Variants in FHL5 observed in about 807,000 individuals in gnomAD.
FHL5 encodes four and a half LIM domains 5, also known as four and a half LIM domains protein 5.
In FHL5, 33 loss-of-function variants were observed where a neutral mutation model predicts 32.0. The ratio of observed to expected loss-of-function variants is 1.03; its 90% CI spans 0.78 to 1.38. FHL5 has a LOEUF of 1.38. FHL5 is among the 40% of genes most tolerant of loss of function. The pLI is 0.00. For missense variants in FHL5, 336 were observed against 343.9 expected (o/e 0.98, Z 0.18); for synonymous variants, 114 against 113.6 (o/e 1.00, Z -0.02).
intron 1 of FHL5, among the ~76,000 whole-genome samples, chr6:96,601,783 G>T (rs565286655): frequency 6.6e-6 from 1 of 152,176 alleles, no homozygotes; most frequent in Non-Finnish European, 1.5e-5. Context: ...ACACTTGATC[G>T]CTGTAAATGT....
At chr6:96,594,227 T>TTATATATA (rs1178680000) in intron 1 of FHL5, among the ~76,000 whole-genome samples, 27 of 66,854 alleles carry the variant, frequency 4.0e-4, no homozygotes, top group South Asian at 1.1e-3. Flanking sequence ...ATATTAGAAT[T>TTATATATA]TATATATATA....
chr6:96,572,790 C>T (rs1562051862), intron 1 of FHL5, among the ~76,000 whole-genome samples: 1 of 152,206 alleles, frequency 6.6e-6, no homozygotes, highest in African/African-American at 2.4e-5. Flanking sequence ...TACCTCCTCA[C>T]CATAAGAAGT....
rs559466641 is a variant in FHL5 at position 96,573,577 on chromosome 6, A to G, written c.-13+10222A>G. ...GAGACGGAGGCCCAGGCTGGAGTGCAGTGGCGCAATCTCGGCTCACTGCAA... is the reference window on the plus strand; with the variant it reads ...GAGACGGAGGCCCAGGCTGGAGTGCGGTGGCGCAATCTCGGCTCACTGCAA... On this transcript the variant is annotated intron_variant, in intron 1 of 5. Coordinates refer to ENST00000450218, the MANE Select transcript of FHL5 (RefSeq NM_001322466.2). 1.3e-3 allele frequency among the ~76,000 whole-genome samples: 176 copies of G among 133,976 alleles called. 1 individual carries two copies. Among genetic ancestry groups the G allele is most frequent in the African/African-American group, 5.1e-3 (174 of 34,210 alleles). 87.9% of individuals were successfully genotyped at this position (133,976 alleles called of 152,430 possible).
chr6:96,578,833 C>A (rs1050664753), intron 1 of FHL5, among the ~76,000 whole-genome samples: 20 of 151,812 alleles, frequency 1.3e-4, no homozygotes, highest in Admixed American at 5.2e-4. Context: ...CAGAGTGAGA[C>A]CCTGTCTCAA....
intron 1 of FHL5, among the ~76,000 whole-genome samples, chr6:96,565,902 C>T (rs1031635698): frequency 1.3e-5 from 2 of 151,784 alleles, no homozygotes; most frequent in African/African-American, 4.8e-5. Context: ...CTGTACATAT[C>T]CATCAGGTAC....
At chr6:96,594,111 G>T (rs1041699058) in intron 1 of FHL5, among the ~76,000 whole-genome samples, 2 of 150,334 alleles carry the variant, frequency 1.3e-5, no homozygotes, top group Non-Finnish European at 3.0e-5. Context: ...CCCCCACAGG[G>T]ACTTTATTAT....
rs1431104318 is a variant in FHL5, at chr6:96,604,924, G to A, written c.334G>A (p.Gly112Ser). Residue 112 changes from glycine to serine, a missense_variant and splice_region_variant, in exon 3 of 6, where the codon GGT becomes AGT. Gly to Ser is a moderately conservative substitution (Grantham distance 56). Coordinates refer to ENST00000450218, the MANE Select transcript of FHL5 (RefSeq NM_001322466.2). ...CCACTGCAAGAGGACCATCATGCCTGGTAGGGTCTCAAGGGGGCTCCTGTC... is the reference window on the plus strand; with the variant it reads ...CCACTGCAAGAGGACCATCATGCCTAGTAGGGTCTCAAGGGGGCTCCTGTC... ...CFHCKRTIMP[G>S]SRKMEFKGNY... The A allele has an allele frequency of 3.1e-6, 5 of 1,597,846 alleles. No individual in the cohort carries two copies. Among genetic ancestry groups the A allele is most frequent in the Non-Finnish European group, 4.3e-6 (5 of 1,170,886 alleles).
intron 1 of FHL5, among the ~76,000 whole-genome samples, chr6:96,593,180 ATTCT>A (rs1770958310): frequency 6.6e-6 from 1 of 151,922 alleles, no homozygotes; most frequent in Non-Finnish European, 1.5e-5. Flanking sequence ...TTTACATTTC[ATTCT>A]TTTTCATTGT....
At chr6:96,572,625 C>T (rs138631190) in intron 1 of FHL5, among the ~76,000 whole-genome samples, 1 of 152,154 alleles carries the variant, frequency 6.6e-6, no homozygotes, top group South Asian at 2.1e-4. Flanking sequence ...GCAGGTGGGG[C>T]ACAGTGTCAA....
intron 1 of FHL5, among the ~76,000 whole-genome samples, chr6:96,599,446 T>C (rs2983902): frequency 0.41 from 62,043 of 151,858 alleles, 13,356 homozygotes; most frequent in African/African-American, 0.56. Flanking sequence ...CTGCCCACCT[T>C]GGCCTCCCAA....
At chr6:96,595,740 T>C (rs568243207) in intron 1 of FHL5, among the ~76,000 whole-genome samples, 1 of 152,100 alleles carries the variant, frequency 6.6e-6, no homozygotes, top group South Asian at 2.1e-4. Flanking sequence ...ATTTTAATGA[T>C]AAGTTTTTAT....
At chr6:96,606,282 C>G (rs1771277785) in intron 4 of FHL5, among the ~76,000 whole-genome samples, 1 of 151,714 alleles carries the variant, frequency 6.6e-6, no homozygotes, top group Non-Finnish European at 1.5e-5. Flanking sequence ...CCAGCCACAA[C>G]AAGAATTTAA....
At chr6:96,594,719 T>G (rs1771000086) in intron 1 of FHL5, among the ~76,000 whole-genome samples, 1 of 151,962 alleles carries the variant, frequency 6.6e-6, no homozygotes, top group Non-Finnish European at 1.5e-5. Flanking sequence ...GATGTCTCAG[T>G]TTTCTAGTTT....
chr6:96,580,881 A>C (rs1052170775), intron 1 of FHL5, among the ~76,000 whole-genome samples: 2 of 152,172 alleles, frequency 1.3e-5, no homozygotes, highest in Non-Finnish European at 2.9e-5. Context: ...ATATAACCAC[A>C]TCTATCATTT....
intron 5 of FHL5, among the ~76,000 whole-genome samples, chr6:96,611,358 C>A (rs1424092510): frequency 6.6e-6 from 1 of 151,708 alleles, no homozygotes; most frequent in East Asian, 1.9e-4. Flanking sequence ...AACAAGATAG[C>A]ATTTTACTGA....
intron 1 of FHL5, among the ~76,000 whole-genome samples, chr6:96,579,642 G>A (rs1445708589): frequency 6.6e-6 from 1 of 152,170 alleles, no homozygotes; most frequent in East Asian, 1.9e-4. Flanking sequence ...CTAATACAAT[G>A]CTAATAATGG....
At chr6:96,612,037 C>T (rs1173167826) in intron 5 of FHL5, among the ~76,000 whole-genome samples, 3 of 152,204 alleles carry the variant, frequency 2.0e-5, no homozygotes, top group Non-Finnish European at 4.4e-5. Flanking sequence ...TCATATGGAA[C>T]TCGTGGCTGT....
At position 96,618,595 on chromosome 6, in the gene FHL5, A is replaced by G. The variant is rs957178089; in HGVS notation, c.*2823A>G. Among the ~76,000 whole-genome samples the G allele has an allele frequency of 7.2e-5, 11 of 152,230 alleles. No individual in the cohort carries two copies. Among genetic ancestry groups the G allele is most frequent in the Non-Finnish European group, 1.2e-4 (8 of 68,042 alleles). On this transcript the variant is annotated 3_prime_UTR_variant, in exon 6 of 6. Transcript: ENST00000450218. ...AAGGATTAAGTTTCTTACTGAAGGA[A>G]TAAGTTTGGTTAATGGCTACAAAAG...
At chr6:96,587,992 C>A (rs941473084) in intron 1 of FHL5, among the ~76,000 whole-genome samples, 1 of 152,142 alleles carries the variant, frequency 6.6e-6, no homozygotes, top group Non-Finnish European at 1.5e-5. Flanking sequence ...GACATTCAGA[C>A]TTTTTTGCTA....
Sources: gnomAD v4.1 joint callset for allele counts (sites outside exome capture counted in the v4.1 genomes callset) on GRCh38, gnomAD v4.1.1 for gene constraint, MANE v1.5 for transcripts, NCBI Gene and HGNC (gene_info 2026-07-23, HGNC 2026-07-21) for gene names.